EXT2: variants seen among roughly 807,000 people sequenced by gnomAD.
EXT2 encodes the protein exostosin glycosyltransferase 2, also known as exostosin-2.
A neutral mutation model predicts 81.6 loss-of-function variants in EXT2; 53 were observed. The observed-to-expected ratio is 0.65, with a 90% confidence interval of 0.52 to 0.82. EXT2 has a LOEUF of 0.82. Ranked by LOEUF, EXT2 falls within the 40% of genes least tolerant of loss-of-function variation. EXT2 has a pLI of 0.00. For synonymous variants in EXT2, 320 were observed against 340.0 expected, an observed-to-expected ratio of 0.94 and a Z score of 0.65; for missense variants, 774 against 910.2, an observed-to-expected ratio of 0.85 and a Z score of 1.93.
chr11:44,192,155 C>G (rs78111133), intron 8 of EXT2, among the ~76,000 whole-genome samples: 6 of 152,196 alleles, frequency 3.9e-5, no homozygotes, highest in Non-Finnish European at 8.8e-5. Context: ...TTGGATGGCT[C>G]ACTGTCTTGT....
chr11:44,139,645 G>A (rs866021545), intron 7 of EXT2, among the ~76,000 whole-genome samples: 9 of 151,994 alleles, frequency 5.9e-5, no homozygotes, highest in African/African-American at 1.9e-4. Context: ...TGGAAATCCC[G>A]CTGGAAAGGG....
At chr11:44,102,699 G>A (rs965950883) in intron 1 of EXT2, among the ~76,000 whole-genome samples, 8 of 151,988 alleles carry the variant, frequency 5.3e-5, no homozygotes, top group East Asian at 3.8e-4. Context: ...CTGTGGTTCC[G>A]TATCTTCTCC....
intron 1 of EXT2, among the ~76,000 whole-genome samples, chr11:44,101,152 G>T (rs565788382): frequency 3.3e-5 from 5 of 152,308 alleles, no homozygotes; most frequent in Admixed American, 3.3e-4. Context: ...ACCAAAGGTG[G>T]GGGTATTGGT....
intron 4 of EXT2, among the ~76,000 whole-genome samples, chr11:44,118,384 A>T (rs1311704776): frequency 6.6e-6 from 1 of 152,150 alleles, no homozygotes. Context: ...TGCATGATTC[A>T]TATTTTTTCC....
At chr11:44,131,127 T>C (rs1344811148) in intron 7 of EXT2, among the ~76,000 whole-genome samples, 1 of 152,382 alleles carries the variant, frequency 6.6e-6, no homozygotes, top group East Asian at 1.9e-4. Flanking sequence ...TTTTCTCAGC[T>C]GATTTAGGAG....
intron 4 of EXT2, among the ~76,000 whole-genome samples, chr11:44,122,924 C>T (rs1395550627): frequency 6.6e-6 from 1 of 152,202 alleles, no homozygotes; most frequent in Non-Finnish European, 1.5e-5. Context: ...TAAATGGCCT[C>T]ACGTGGCTAG....
chr11:44,096,371 G>C, intron 1 of EXT2: 1 of 1,503,950 alleles, frequency 6.6e-7, no homozygotes, highest in Non-Finnish European at 8.9e-7. Flanking sequence ...GTGGTCGGGG[G>C]CGTGTTAGGC....
At chr11:44,165,283 G>A (rs74750521) in intron 7 of EXT2, among the ~76,000 whole-genome samples, 1 of 152,160 alleles carries the variant, frequency 6.6e-6, no homozygotes, top group Non-Finnish European at 1.5e-5. Context: ...TGGTGCTTTC[G>A]TACATTGCCA....
At chr11:44,185,540 A>T (rs1955299481) in intron 8 of EXT2, among the ~76,000 whole-genome samples, 1 of 152,156 alleles carries the variant, frequency 6.6e-6, no homozygotes, top group African/African-American at 2.4e-5. Context: ...TTCAGGAAGA[A>T]GCAGAGATGG....
At chr11:44,168,506 A>T (rs1237575246) in intron 7 of EXT2, among the ~76,000 whole-genome samples, 1 of 152,218 alleles carries the variant, frequency 6.6e-6, no homozygotes, top group Non-Finnish European at 1.5e-5. Flanking sequence ...TACAATCCTC[A>T]GTGGGATAAA....
At chr11:44,235,294 GCA>G (rs1955949449) in intron 12 of EXT2, among the ~76,000 whole-genome samples, 4 of 134,528 alleles carry the variant, frequency 3.0e-5, no homozygotes, top group South Asian at 5.0e-4. Flanking sequence ...GAGTGCAGTG[GCA>G]CAGTCTCGGC....
At chr11:44,117,794 G>T (rs1463120587) in intron 4 of EXT2, among the ~76,000 whole-genome samples, 1 of 152,130 alleles carries the variant, frequency 6.6e-6, no homozygotes, top group Non-Finnish European at 1.5e-5. Context: ...GTCTCGCTCT[G>T]TCACCCTGGA....
At chr11:44,108,507 T>A (rs1461609588) in intron 2 of EXT2, among the ~76,000 whole-genome samples, 1 of 152,228 alleles carries the variant, frequency 6.6e-6, no homozygotes, top group Non-Finnish European at 1.5e-5. Flanking sequence ...GTTTCCAAAC[T>A]AAGCGTGGCT....
intron 7 of EXT2, 113 bp from the exon 8 acceptor site, chr11:44,171,498 T>A (rs951682257): frequency 6.5e-7 from 1 of 1,549,438 alleles, no homozygotes; most frequent in African/African-American, 1.4e-5. Context: ...CCCCCATCCC[T>A]ACAACTTTGG....
At chr11:44,219,351 TA>T (rs562729890) in intron 10 of EXT2, among the ~76,000 whole-genome samples, 7,140 of 143,562 alleles carry the variant, frequency 0.05, 438 homozygotes, top group African/African-American at 0.14. Context: ...AAAATTAAAT[TA>T]AAAAAAAAAA....
chr11:44,193,442 C>T (rs916641753), intron 8 of EXT2, among the ~76,000 whole-genome samples: 6 of 152,134 alleles, frequency 3.9e-5, no homozygotes, highest in African/African-American at 1.4e-4. Context: ...GTAATACTAC[C>T]TAGAAAGATG....
intron 2 of EXT2, among the ~76,000 whole-genome samples, 183 bp downstream of exon 2, chr11:44,108,431 CTG>C (rs1954094711): frequency 6.6e-6 from 1 of 152,200 alleles, no homozygotes; most frequent in Admixed American, 6.5e-5. Flanking sequence ...CAGCATCTGC[CTG>C]TGTGCCCGTG....
At chr11:44,238,285 TG>T (rs1433968192) in intron 13 of EXT2, among the ~76,000 whole-genome samples, 2 of 152,276 alleles carry the variant, frequency 1.3e-5, no homozygotes, top group South Asian at 4.1e-4. Context: ...TAGGCTCAAG[TG>T]GTCCTCTCAT....
At chr11:44,129,880 G>A (rs981256299) in intron 6 of EXT2, among the ~76,000 whole-genome samples, 165 bp from the exon 7 acceptor site, 1 of 152,196 alleles carries the variant, frequency 6.6e-6, no homozygotes, top group Admixed American at 6.5e-5. Context: ...GAGAAGTTCA[G>A]CCAGTGAAGA....
Sources: allele counts gnomAD v4.1 joint callset (sites outside exome capture counted in the v4.1 genomes callset), GRCh38; gene constraint gnomAD v4.1.1; transcripts MANE v1.5; gene names NCBI Gene and HGNC (gene_info 2026-07-23, HGNC 2026-07-21).